Variants in MID1 observed in about 807,000 individuals in gnomAD.
The protein encoded by MID1 is E3 ubiquitin-protein ligase Midline-1.
MID1 carries 7 observed loss-of-function variants against 40.4 expected under a neutral mutation model. That is an observed-to-expected ratio of 0.17 (90% confidence interval 0.10 to 0.33). The LOEUF is 0.33. MID1 is among the 10% of genes least tolerant of loss of function. The pLI is 1.00. For synonymous variants in MID1, 229 were observed against 221.2 expected, an observed-to-expected ratio of 1.04 and a Z score of -0.31; for missense variants, 367 against 558.5, an observed-to-expected ratio of 0.66 and a Z score of 3.46.
At chrX:10,513,848 T>C (rs1450315172) in intron 3 of MID1, among the ~76,000 whole-genome samples, 1 of 112,165 alleles carries the variant, frequency 8.9e-6, no homozygotes, top group African/African-American at 3.2e-5. Flanking sequence ...TACCTGTTCC[T>C]ATTATTCTTT....
intron 1 of MID1, among the ~76,000 whole-genome samples, chrX:10,656,468 A>G (rs2042873497): frequency 2.7e-5 from 3 of 111,248 alleles, no homozygotes. Flanking sequence ...GTGACTCTCC[A>G]TCTGTCACTA....
chrX:10,618,123 T>C (rs1935870777), intron 1 of MID1, among the ~76,000 whole-genome samples: 4 of 112,280 alleles, frequency 3.6e-5, no homozygotes. Flanking sequence ...GGGTCTCTTC[T>C]GGGCTGCCAC....
chrX:10,575,047 T>C (rs758922375), intron 1 of MID1, among the ~76,000 whole-genome samples: 2 of 112,700 alleles, frequency 1.8e-5, no homozygotes, highest in Non-Finnish European at 3.7e-5. Flanking sequence ...AACAGGAAGC[T>C]CCTATAAGTA....
At chrX:10,476,076 A>G (rs957935281) in intron 5 of MID1, among the ~76,000 whole-genome samples, 1 of 111,764 alleles carries the variant, frequency 8.9e-6, no homozygotes, top group Non-Finnish European at 1.9e-5. Flanking sequence ...CGATGTGGAT[A>G]AAGCCTAAAA....
At chrX:10,704,716 G>GTGTGTA (rs1555916204) in intron 1 of MID1, among the ~76,000 whole-genome samples, 1 of 78,079 alleles carries the variant, frequency 1.3e-5, no homozygotes, top group South Asian at 7.1e-4. Context: ...GTGTGTGTGT[G>GTGTGTA]TATATATATA....
At chrX:10,790,891 C>T (rs2043925692) in intron 1 of MID1, among the ~76,000 whole-genome samples, 1 of 111,946 alleles carries the variant, frequency 8.9e-6, no homozygotes, top group Non-Finnish European at 1.9e-5. Flanking sequence ...TGTATATATA[C>T]GTGTGTTTGT....
At chrX:10,829,179 T>C (rs762580664) in intron 1 of MID1, among the ~76,000 whole-genome samples, 28 of 112,203 alleles carry the variant, frequency 2.5e-4, no homozygotes, top group Non-Finnish European at 4.9e-4. Flanking sequence ...ACTGCACAAT[T>C]AGATACTCAG....
chrX:10,495,491 G>C, intron 4 of MID1, 93 bp downstream of exon 4: 1 of 678,938 alleles, frequency 1.5e-6, no homozygotes, highest in Non-Finnish European at 2.4e-6. Context: ...TATAGAAAAA[G>C]AGGGTTCTCA....
At chrX:10,666,064 C>T (rs1245897089) in intron 1 of MID1, among the ~76,000 whole-genome samples, 2 of 106,308 alleles carry the variant, frequency 1.9e-5, no homozygotes, top group African/African-American at 3.5e-5. Context: ...TGAGTGAAAA[C>T]GCAAGACACG....
intron 1 of MID1, among the ~76,000 whole-genome samples, chrX:10,683,143 AC>A (rs1482230020): frequency 2.7e-5 from 3 of 112,169 alleles, no homozygotes; most frequent in African/African-American, 9.7e-5. Flanking sequence ...TGTTATTTCA[AC>A]CCTTGAAAGG....
intron 1 of MID1, among the ~76,000 whole-genome samples, chrX:10,813,859 G>C (rs1316637493): frequency 9.0e-6 from 1 of 111,535 alleles, no homozygotes; most frequent in African/African-American, 3.3e-5. Context: ...TCCCTCTCAT[G>C]CAGAGGTTGG....
chrX:10,795,577 G>C (rs986054197), intron 1 of MID1, among the ~76,000 whole-genome samples: 1 of 112,360 alleles, frequency 8.9e-6, no homozygotes, highest in Non-Finnish European at 1.9e-5. Context: ...ATTATTTTCA[G>C]TTGGTGGAGC....
intron 1 of MID1, among the ~76,000 whole-genome samples, chrX:10,611,435 G>GT (rs957316942): frequency 1.8e-5 from 2 of 112,220 alleles, no homozygotes; most frequent in African/African-American, 3.2e-5. Flanking sequence ...GGATGAAGAA[G>GT]TAAAGCAGAA....
chrX:10,564,241 G>A (rs1024177962), intron 2 of MID1, among the ~76,000 whole-genome samples: 17 of 111,656 alleles, frequency 1.5e-4, no homozygotes, highest in Non-Finnish European at 3.0e-4. Flanking sequence ...TACTTCCTTG[G>A]TTTTGGTCCT....
intron 1 of MID1, among the ~76,000 whole-genome samples, chrX:10,753,978 G>C (rs746905271): frequency 6.5e-4 from 73 of 112,484 alleles, no homozygotes; most frequent in African/African-American, 2.3e-3. Context: ...AGTGGGAGTT[G>C]TCAAAAGTCC....
chrX:10,615,427 T>C (rs1935823149), intron 1 of MID1, among the ~76,000 whole-genome samples: 1 of 112,542 alleles, frequency 8.9e-6, no homozygotes, highest in Admixed American at 9.4e-5. Context: ...GCCTTTATAT[T>C]ATATTCATCA....
intron 1 of MID1, among the ~76,000 whole-genome samples, chrX:10,764,571 T>C (rs2043707029): frequency 8.9e-6 from 1 of 112,264 alleles, no homozygotes; most frequent in South Asian, 3.7e-4. Flanking sequence ...GAATTTTTTT[T>C]AAAGCTCTGT....
intron 1 of MID1, among the ~76,000 whole-genome samples, chrX:10,595,701 T>C (rs1338891988): frequency 1.8e-5 from 2 of 111,306 alleles, no homozygotes; most frequent in African/African-American, 6.5e-5. Flanking sequence ...GATTGGTCAA[T>C]AGGTACACAA....
At chrX:10,659,518 G>A (rs2042897520) in intron 1 of MID1, among the ~76,000 whole-genome samples, 1 of 111,731 alleles carries the variant, frequency 9.0e-6, no homozygotes, top group South Asian at 3.8e-4. Context: ...ATCCCCTAAA[G>A]GTAAAACACC....
Sources: allele counts gnomAD v4.1 joint callset (sites outside exome capture counted in the v4.1 genomes callset), GRCh38; gene constraint gnomAD v4.1.1; transcripts MANE v1.5; gene names NCBI Gene and HGNC (gene_info 2026-07-23, HGNC 2026-07-21).